KDM5A: variants seen among roughly 807,000 people sequenced by gnomAD.
KDM5A encodes lysine demethylase 5A.
KDM5A carries 42 observed loss-of-function variants against 193.5 expected under a neutral mutation model. The ratio of observed to expected loss-of-function variants is 0.22; its 90% CI spans 0.17 to 0.28. The LOEUF (loss-of-function observed/expected upper bound fraction) is 0.28, where lower values mean the gene tolerates loss of function less well. KDM5A is among the 10% of genes least tolerant of loss of function. The pLI is 1.00. For missense variants in KDM5A, 1,692 were observed against 2,055.1 expected, an observed-to-expected ratio of 0.82 and a Z score of 3.42; for synonymous variants, 796 against 718.1, an observed-to-expected ratio of 1.11 and a Z score of -1.73.
intron 24 of KDM5A, among the ~76,000 whole-genome samples, chr12:298,463 G>A (rs1943400987): frequency 6.6e-6 from 1 of 152,186 alleles, no homozygotes; most frequent in Admixed American, 6.5e-5. Context: ...GGGCCTGACT[G>A]TTTGAAGGAA....
At chr12:288,904 C>T (rs1346535800) in intron 27 of KDM5A, among the ~76,000 whole-genome samples, 2 of 152,226 alleles carry the variant, frequency 1.3e-5, no homozygotes, top group Admixed American at 6.5e-5. Context: ...CACTCTAGCT[C>T]AACATCATGC....
chr12:371,659 T>C (rs1425485400), intron 3 of KDM5A, among the ~76,000 whole-genome samples: 1 of 152,212 alleles, frequency 6.6e-6, no homozygotes, highest in Non-Finnish European at 1.5e-5. Context: ...CTTTTGGTGT[T>C]TTAGACATGA....
chr12:354,257 A>G, intron 7 of KDM5A, 23 bp from the exon 8 acceptor site: 1 of 1,526,002 alleles, frequency 6.6e-7, no homozygotes, highest in Non-Finnish European at 9.0e-7. Flanking sequence ...AAATAAATGA[A>G]AGTCTATTTT....
chr12:305,809 A>T (rs1403509276), intron 24 of KDM5A, among the ~76,000 whole-genome samples: 1 of 152,136 alleles, frequency 6.6e-6, no homozygotes, highest in East Asian at 1.9e-4. Context: ...GTCATTACCA[A>T]AATAATCACA....
intron 6 of KDM5A, among the ~76,000 whole-genome samples, 197 bp from the exon 7 acceptor site, chr12:355,446 C>A (rs1396466187): frequency 6.6e-6 from 1 of 152,180 alleles, no homozygotes; most frequent in Non-Finnish European, 1.5e-5. Context: ...CAAAATCATA[C>A]AGCAAGGCAA....
chr12:352,339 T>C lies in KDM5A; in HGVS notation c.1030-15A>G. On this transcript the variant is annotated splice_polypyrimidine_tract_variant and intron_variant, in intron 8 of 27. Coordinates refer to ENST00000399788, the MANE Select transcript of KDM5A (RefSeq NM_001042603.3). ...TTGCTACATTCCTGGAAAGAAAAAATATGTAAGATTAACTTACTGAAACTA... is the reference window on the plus strand; with the variant it reads ...TTGCTACATTCCTGGAAAGAAAAAACATGTAAGATTAACTTACTGAAACTA... The C allele has an allele frequency of 6.2e-7, 1 of 1,611,128 alleles. No individual in the cohort carries two copies. The highest frequency in any genetic ancestry group is 8.5e-7 in the Non-Finnish European group (1 of 1,177,386).
Position 291,340 on chromosome 12 carries a change from G to T in KDM5A, c.4866+1419C>A, listed in dbSNP as rs373162655. 1.2e-4 allele frequency among the ~76,000 whole-genome samples: 18 copies of T among 152,284 alleles called. No homozygotes were observed. The East Asian group carries it at 1.5e-3, about 13-fold the overall frequency. On this transcript the variant is annotated intron_variant, in intron 27 of 27. Transcript: ENST00000399788. The stretch of plus-strand genomic sequence containing the variant: ...CCTAATACATCTCATTTAAATATGT[G>T]TCATTTAGTTTTGGAATGTGTTTTT...
intron 27 of KDM5A, among the ~76,000 whole-genome samples, chr12:291,469 C>G (rs976005104): frequency 9.9e-5 from 15 of 152,170 alleles, no homozygotes; most frequent in African/African-American, 3.6e-4. Flanking sequence ...CTAACTAGCT[C>G]TGTAACTTTG....
intron 18 of KDM5A, among the ~76,000 whole-genome samples, chr12:319,564 C>A (rs1039775188): frequency 6.6e-6 from 1 of 151,864 alleles, no homozygotes; most frequent in Non-Finnish European, 1.5e-5. Flanking sequence ...CCAGCCTGGG[C>A]AAAATGGCAA....
rs1280007257 is a variant in KDM5A, at chr12:310,880, A to G, written c.3216+5T>C. On this transcript the variant is annotated splice_donor_5th_base_variant and intron_variant, in intron 21 of 27. Coordinates refer to ENST00000399788, the MANE Select transcript of KDM5A (RefSeq NM_001042603.3). ...CTGCTTATGAGAGTGTTGAAGTTCA[A>G]GTACCTGTAACAATGTATGGCTAGA... 2.5e-6 allele frequency: 4 copies of G among 1,613,978 alleles called. No homozygotes were observed. Among genetic ancestry groups the G allele is most frequent in the Non-Finnish European group, 3.4e-6 (4 of 1,179,924 alleles).
intron 3 of KDM5A, among the ~76,000 whole-genome samples, chr12:379,870 C>A (rs1033486867): frequency 2.0e-4 from 30 of 152,300 alleles, no homozygotes; most frequent in African/African-American, 6.7e-4. Context: ...TGGAGTTAAA[C>A]ACTCTGGATG....
intron 10 of KDM5A, among the ~76,000 whole-genome samples, chr12:344,585 A>C (rs1944047025): frequency 6.6e-6 from 1 of 152,240 alleles, no homozygotes; most frequent in Admixed American, 6.5e-5. Context: ...AAACCCTACA[A>C]GCCAGAAGAG....
intron 22 of KDM5A, among the ~76,000 whole-genome samples, chr12:309,544 T>C (rs1943554662): frequency 1.3e-5 from 2 of 152,200 alleles, no homozygotes; most frequent in Non-Finnish European, 1.5e-5. Context: ...TATGGACAAC[T>C]TGATGGAACA....
chr12:318,584 C>A, intron 18 of KDM5A, 123 bp from the exon 19 acceptor site: 1 of 694,530 alleles, frequency 1.4e-6, no homozygotes, highest in Non-Finnish European at 2.5e-6. Flanking sequence ...CATCATAACA[C>A]CAAATATTCA....
Position 362,998 on chromosome 12 carries a change from T to C in KDM5A, c.637A>G (p.Ile213Val), listed in dbSNP as rs1201993385. ...TSPEPGTRMN[I>V]LPKRTRRVKT... Reference sequence around the variant, plus strand: ...ACACGTCTTGTTCTCTTCGGCAGAATGTTCATCCTTGTGCCTGGCTCTGGG... The same window carrying C: ...ACACGTCTTGTTCTCTTCGGCAGAACGTTCATCCTTGTGCCTGGCTCTGGG... The change falls in exon 5 of 28, where the codon ATT becomes GTT. Residue 213 changes from isoleucine (I) to valine (V), a missense_variant. Coordinates refer to ENST00000399788, the MANE Select transcript of KDM5A (RefSeq NM_001042603.3). The C allele has an allele frequency of 6.2e-7, 1 of 1,614,216 alleles. No individual in the cohort carries two copies. The highest frequency in any genetic ancestry group is 8.5e-7 in the Non-Finnish European group (1 of 1,180,032).
intron 27 of KDM5A, among the ~76,000 whole-genome samples, chr12:288,886 C>G (rs1943253187): frequency 6.6e-6 from 1 of 152,218 alleles, no homozygotes; most frequent in South Asian, 2.1e-4. Flanking sequence ...GAAACTGGGA[C>G]AGTTAGTCAC....
chr12:324,750 G>C (rs913541776), intron 14 of KDM5A, among the ~76,000 whole-genome samples: 2 of 152,066 alleles, frequency 1.3e-5, no homozygotes, highest in South Asian at 2.1e-4. Flanking sequence ...ATGCATGCCT[G>C]TAGTCCCAGC....
intron 24 of KDM5A, among the ~76,000 whole-genome samples, chr12:298,088 A>G (rs1257352405): frequency 6.6e-6 from 1 of 152,186 alleles, no homozygotes; most frequent in African/African-American, 2.4e-5. Flanking sequence ...GGGACAGAGC[A>G]CCTGGGGGAA....
At position 352,166 on chromosome 12, in the gene KDM5A, T is replaced by A. The variant is rs200411371; in HGVS notation, c.1149+39A>T. On this transcript the variant is annotated intron_variant, in intron 9 of 27. Transcript: ENST00000399788. ...AAGGCTTTGTACTCAGGTAAATCTT[T>A]GTACCTCCCCGGACCGACCTAAAAG... 62 of 1,547,630 alleles carry A rather than the reference T, an allele frequency of 4.0e-5. No individual in the cohort carries two copies. The South Asian group carries it at 6.2e-4, about 16-fold the overall frequency.
Sources: allele counts gnomAD v4.1 joint callset (sites outside exome capture counted in the v4.1 genomes callset), GRCh38; gene constraint gnomAD v4.1.1; transcripts MANE v1.5; gene names NCBI Gene and HGNC (gene_info 2026-07-23, HGNC 2026-07-21).